Variants in SNX1 observed in about 807,000 individuals in gnomAD.
The protein encoded by SNX1 is sorting nexin 1.
In SNX1, 36 loss-of-function variants were observed where a neutral mutation model predicts 71.8. That is an observed-to-expected ratio of 0.50 (90% CI 0.38 to 0.66). The LOEUF (loss-of-function observed/expected upper bound fraction) is 0.66. Among genes scored for constraint, SNX1 ranks in the 30% least tolerant of loss-of-function variants. The pLI is 0.00. For missense variants in SNX1, 612 were observed against 646.7 expected, an observed-to-expected ratio of 0.95 and a Z score of 0.58; for synonymous variants, 254 against 240.7, an observed-to-expected ratio of 1.06 and a Z score of -0.51.
Position 64,138,320 on chromosome 15 carries a change from TC to T in SNX1, c.*703del, listed in dbSNP as rs1342894649. 1.1e-5 allele frequency: 8 copies of T among 756,168 alleles called. No homozygotes were observed. Among genetic ancestry groups the T allele is most frequent in the Non-Finnish European group, 7.6e-6 (4 of 529,614 alleles). The allele number at this position is 756,168 out of a possible 1,614,324, so 46.8% of individuals were successfully genotyped here. A position where few individuals can be genotyped will look rare whatever the true frequency, so the allele number is the denominator to read the frequency against. The stretch of plus-strand genomic sequence containing the variant: ...CTGCAAAGGAGGCAGAGACTTTCTC[TC>T]TCTCTTTTTTTTTTTTTTTTGGTGT... On this transcript the variant is annotated 3_prime_UTR_variant, in exon 15 of 15. Transcript: ENST00000559844.
chr15:64,099,684 A>G (rs1288894740), intron 1 of SNX1, among the ~76,000 whole-genome samples: 1 of 152,172 alleles, frequency 6.6e-6, no homozygotes, highest in Non-Finnish European at 1.5e-5. Flanking sequence ...TATTTATTTG[A>G]TTAGCTAAAA....
In SNX1 at chr15:64,099,418, T is replaced by TA. The variant is rs529574846; in HGVS notation, c.159+3253dup. Among the ~76,000 whole-genome samples the TA allele has an allele frequency of 3.0e-3, 459 of 152,274 alleles. 1 individual carries two copies. The highest frequency in any genetic ancestry group is 6.8e-3 in the Middle Eastern group (2 of 292). ...AGCATTTTGTAAACTGGAATTACTC[T>TA]AAAAAAACCCACAAAATCTAATAAT... On this transcript the variant is annotated intron_variant, in intron 1 of 14. Coordinates refer to ENST00000559844, the MANE Select transcript of SNX1 (RefSeq NM_003099.5).
rs188673935 is a variant in SNX1 at position 64,136,350 on chromosome 15, A to G, written c.1386A>G (p.Gln462=). ...CCCAGTGGGAGTCTCGGGTGACTCA[A>G]TATGAAAGGGACTTCGAGAGGATTT... is the stretch of plus-strand genomic sequence containing the variant. ...EILEWESRVT[Q]YERDFERIST... is the part of the protein sequence containing the mutation. The change falls in exon 13 of 15, where the codon CAA becomes CAG. Residue 462 remains glutamine, a synonymous_variant. Transcript: ENST00000559844. The G allele has an allele frequency of 7.4e-6, 12 of 1,613,930 alleles. No individual in the cohort carries two copies. The highest frequency in any genetic ancestry group is 1.3e-5 in the African/African-American group (1 of 74,926).
At chr15:64,124,086 C>T (rs2081223105) in intron 5 of SNX1, among the ~76,000 whole-genome samples, 1 of 147,966 alleles carries the variant, frequency 6.8e-6, no homozygotes, top group African/African-American at 2.6e-5. Context: ...TCCCCTGCCT[C>T]ATACCTTAGA....
chr15:64,100,292 A>G (rs962047884), intron 1 of SNX1, among the ~76,000 whole-genome samples: 8 of 152,146 alleles, frequency 5.3e-5, no homozygotes, highest in Admixed American at 2.0e-4. Context: ...CAGAATCTGT[A>G]AACCAGTTAC....
intron 1 of SNX1, 139 bp downstream of exon 1, chr15:64,096,311 C>G (rs901102568): frequency 2.9e-6 from 3 of 1,035,602 alleles, no homozygotes; most frequent in South Asian, 1.6e-5. Flanking sequence ...CCCGGGGACC[C>G]TGGATGTGCT....
rs184066127 is a variant in SNX1, at chr15:64,137,894, A to G, written c.*276A>G. 1.9e-3 allele frequency: 2,617 copies of G among 1,405,078 alleles called. 4 individuals are homozygous for G. Among genetic ancestry groups the G allele is most frequent in the Non-Finnish European group, 2.1e-3 (2,309 of 1,085,128 alleles). 87.0% of individuals were successfully genotyped at this position (1,405,078 alleles called of 1,614,324 possible). On this transcript the variant is annotated 3_prime_UTR_variant, in exon 15 of 15. Coordinates refer to ENST00000559844, the MANE Select transcript of SNX1 (RefSeq NM_003099.5). ...TGGGGTGGAGTATTGATATAAATATATAAATACAAATGTATATTTTTCAGG... is the reference window on the plus strand; with the variant it reads ...TGGGGTGGAGTATTGATATAAATATGTAAATACAAATGTATATTTTTCAGG...
intron 1 of SNX1, among the ~76,000 whole-genome samples, chr15:64,101,582 T>G (rs1412411792): frequency 1.3e-5 from 2 of 152,234 alleles, no homozygotes; most frequent in Non-Finnish European, 2.9e-5. Flanking sequence ...TGCAAACATC[T>G]CCTCAAAATC....
rs374158606 is a variant in SNX1, at chr15:64,126,068, C to T, written c.511-11C>T. 1.2e-6 allele frequency: 2 copies of T among 1,613,294 alleles called. No homozygotes were observed. Among genetic ancestry groups the T allele is most frequent in the Admixed American group, 1.7e-5 (1 of 59,786 alleles). On this transcript the variant is annotated splice_polypyrimidine_tract_variant and intron_variant, in intron 5 of 14. Coordinates refer to ENST00000559844, the MANE Select transcript of SNX1 (RefSeq NM_003099.5). ...GAATGAAATTGCCTTGTGTTTTTTC[C>T]TGTCCCCAAGACAAGCTTACCATTG...
chr15:64,096,348 C>A (rs1360554171), intron 1 of SNX1, among the ~76,000 whole-genome samples, 176 bp downstream of exon 1: 1 of 152,172 alleles, frequency 6.6e-6, no homozygotes, highest in African/African-American at 2.4e-5. Context: ...GGCTTCCCGG[C>A]CCCCAGGCGG....
At chr15:64,127,024 C>T (rs993704347) in intron 6 of SNX1, 150 bp from the exon 7 acceptor site, 1 of 608,902 alleles carries the variant, frequency 1.6e-6, no homozygotes, top group Non-Finnish European at 2.9e-6. Context: ...ATGTAAAGAA[C>T]CTTTTGTTCA....
At position 64,138,204 on chromosome 15, in the gene SNX1, C is replaced by T. The variant is rs932584842; in HGVS notation, c.*586C>T. ...CCTCAGCTACCTGTTCTGAGGGTCT[C>T]AATCTGTTTCGTATTCCCACTTCTT... On this transcript the variant is annotated 3_prime_UTR_variant, in exon 15 of 15. Transcript: ENST00000559844. The T allele has an allele frequency of 1.1e-5, 16 of 1,520,260 alleles. No homozygotes were observed. The highest frequency in any genetic ancestry group is 1.4e-5 in the Non-Finnish European group (16 of 1,142,852). The allele number at this position is 1,520,260 out of a possible 1,614,324, so 94.2% of individuals were successfully genotyped here. A position where few individuals can be genotyped will look rare whatever the true frequency, so the allele number is the denominator to read the frequency against.
Position 64,142,462 on chromosome 15 carries a change from G to A in SNX1, c.*4844G>A. 3.1e-6 allele frequency: 1 copy of A among 325,652 alleles called. No homozygotes were observed. The highest frequency in any genetic ancestry group is 2.4e-5 in the South Asian group (1 of 41,394). 20.2% of individuals were successfully genotyped at this position (325,652 alleles called of 1,614,324 possible). On this transcript the variant is annotated 3_prime_UTR_variant, in exon 15 of 15. Coordinates refer to ENST00000559844, the MANE Select transcript of SNX1 (RefSeq NM_003099.5). ...TAATAAAATTCAGAGAAGAGAAAGAGAATGACTATCAGAGCCATGTTTGGA... is the reference window on the plus strand; with the variant it reads ...TAATAAAATTCAGAGAAGAGAAAGAAAATGACTATCAGAGCCATGTTTGGA...
Position 64,131,102 on chromosome 15 carries a change from G to T in SNX1, c.1016-585G>T, listed in dbSNP as rs149300644. Among the ~76,000 whole-genome samples the T allele has an allele frequency of 1.4e-3, 207 of 152,288 alleles. 1 individual carries two copies. Among genetic ancestry groups the T allele is most frequent in the Non-Finnish European group, 2.3e-3 (158 of 68,016 alleles). ...GTTCAAGGCCAGCCTGGCCAAGATG[G>T]TGAAACCCTGTCTCTGCTAAAAATA... is the stretch of plus-strand genomic sequence containing the variant. On this transcript the variant is annotated intron_variant, in intron 10 of 14. Transcript: ENST00000559844.
At chr15:64,118,330 T>C in intron 3 of SNX1, 86 bp downstream of exon 3, 2 of 1,386,774 alleles carry the variant, frequency 1.4e-6, no homozygotes, top group Non-Finnish European at 2.0e-6. Flanking sequence ...GTATGAACCT[T>C]GAGAAAATAT....
At chr15:64,126,298 T>C in intron 6 of SNX1, 78 bp downstream of exon 6, 1 of 1,404,014 alleles carries the variant, frequency 7.1e-7, no homozygotes, top group Non-Finnish European at 9.8e-7. Context: ...GTTCAGTATA[T>C]GAGACTACTT....
At chr15:64,123,408 G>A (rs143998164) in intron 4 of SNX1, 95 bp from the exon 5 acceptor site, 279 of 1,031,648 alleles carry the variant, frequency 2.7e-4, no homozygotes, top group Middle Eastern at 4.1e-4. Context: ...CTTATCCAGG[G>A]TTCCTATGGC....
chr15:64,117,644 T>G (rs1379307210), intron 2 of SNX1, among the ~76,000 whole-genome samples: 2 of 152,162 alleles, frequency 1.3e-5, no homozygotes, highest in Admixed American at 1.3e-4. Flanking sequence ...CAGACTAAAT[T>G]AGCTGGCTGT....
At chr15:64,097,123 A>G (rs1054817071) in intron 1 of SNX1, among the ~76,000 whole-genome samples, 24 of 35,928 alleles carry the variant, frequency 6.7e-4, no homozygotes, top group Non-Finnish European at 1.2e-3. Context: ...TGGATGAAGG[A>G]TTTGGTCTGT....
Sources: gnomAD v4.1 joint callset for allele counts (sites outside exome capture counted in the v4.1 genomes callset) on GRCh38, gnomAD v4.1.1 for gene constraint, MANE v1.5 for transcripts, NCBI Gene and HGNC (gene_info 2026-07-23, HGNC 2026-07-21) for gene names.